The following RARB variants were observed in gnomAD, a reference collection of about 807,000 sequenced individuals.
The protein encoded by RARB is retinoic acid receptor beta.
In RARB, 17 loss-of-function variants were observed where a neutral mutation model predicts 51.9. The observed-to-expected ratio is 0.33, with a 90% CI of 0.22 to 0.49. The LOEUF (loss-of-function observed/expected upper bound fraction) is 0.49. RARB is among the 20% of genes least tolerant of loss of function. RARB has a pLI of 0.99. For missense variants in RARB, 369 were observed against 550.8 expected (o/e 0.67, Z 3.30); for synonymous variants, 215 against 195.4 (o/e 1.10, Z -0.84).
chr3:25,148,127 G>T (rs887700174), intron 4 of RARB, among the ~76,000 whole-genome samples: 6 of 152,142 alleles, frequency 3.9e-5, no homozygotes, highest in Admixed American at 1.3e-4. Flanking sequence ...TCCTAACTGG[G>T]TATGTAAGTT....
At position 25,049,721 on chromosome 3, in the gene RARB, C is replaced by T. The variant is rs560165301; in HGVS notation, c.-379-10404C>T. On this transcript the variant is annotated intron_variant, in intron 2 of 11. Transcript: ENST00000383772. ...TAAGGATATTATTTTAGCTCAGCAT[C>T]TTCACATTTGTTTGAAGATACAACT... is the stretch of plus-strand genomic sequence containing the variant. 2.8e-4 allele frequency among the ~76,000 whole-genome samples: 42 copies of T among 152,350 alleles called. 1 individual carries two copies. In the South Asian group the frequency reaches 8.5e-3, roughly 31 times the overall value.
chr3:24,953,785 T>A (rs1328820823), intron 2 of RARB, among the ~76,000 whole-genome samples: 2 of 152,198 alleles, frequency 1.3e-5, no homozygotes, highest in Non-Finnish European at 2.9e-5. Context: ...CTTCCAAAGC[T>A]TTTTCTTATC....
At chr3:24,869,549 T>C (rs1702908720) in intron 2 of RARB, among the ~76,000 whole-genome samples, 2 of 152,134 alleles carry the variant, frequency 1.3e-5, no homozygotes, top group Non-Finnish European at 2.9e-5. Context: ...TGCATATACA[T>C]ATGAATTATT....
intron 5 of RARB, among the ~76,000 whole-genome samples, chr3:25,380,894 G>A (rs1312211187): frequency 6.6e-6 from 1 of 151,782 alleles, no homozygotes. Flanking sequence ...TAGCTATTTT[G>A]TCATGCATGT....
intron 5 of RARB, among the ~76,000 whole-genome samples, chr3:25,237,801 G>A (rs148574196): frequency 2.0e-5 from 3 of 152,006 alleles, no homozygotes; most frequent in East Asian, 1.9e-4. Context: ...TGCCAAAACC[G>A]CAATTACTTT....
At chr3:25,312,231 T>C (rs955366922) in intron 5 of RARB, among the ~76,000 whole-genome samples, 1 of 152,160 alleles carries the variant, frequency 6.6e-6, no homozygotes, top group South Asian at 2.1e-4. Context: ...TTTCTGAAAA[T>C]TAAGGTTATC....
At chr3:25,302,382 G>T (rs1704061716) in intron 5 of RARB, among the ~76,000 whole-genome samples, 1 of 152,126 alleles carries the variant, frequency 6.6e-6, no homozygotes, top group Non-Finnish European at 1.5e-5. Context: ...CTGATGAATG[G>T]ATAAACAAAT....
At chr3:24,904,864 G>C (rs1016321476) in intron 2 of RARB, among the ~76,000 whole-genome samples, 1 of 152,184 alleles carries the variant, frequency 6.6e-6, no homozygotes, top group Non-Finnish European at 1.5e-5. Flanking sequence ...CCTTTGCAGG[G>C]ACATGGATGA....
intron 4 of RARB, among the ~76,000 whole-genome samples, chr3:25,173,149 C>A (rs557047384): frequency 6.6e-6 from 1 of 152,190 alleles, no homozygotes; most frequent in African/African-American, 2.4e-5. Context: ...AAGTTTACAG[C>A]CAGCCCACTC....
At chr3:24,949,160 C>T (rs894702203) in intron 2 of RARB, among the ~76,000 whole-genome samples, 3 of 152,164 alleles carry the variant, frequency 2.0e-5, no homozygotes, top group South Asian at 2.1e-4. Flanking sequence ...TCCTACTCCC[C>T]GTCTTTTAGA....
chr3:25,174,298 C>T (rs1700699926), exon 5 of RARB: 1 of 1,050,472 alleles, frequency 9.5e-7, no homozygotes, highest in Admixed American at 2.0e-5. Flanking sequence ...CACAGCTCAG[C>T]CTCAACTCCT....
intron 2 of RARB, among the ~76,000 whole-genome samples, chr3:24,998,736 A>T (rs536215181): frequency 1.3e-5 from 2 of 152,240 alleles, no homozygotes; most frequent in Non-Finnish European, 2.9e-5. Flanking sequence ...AAACTCAGCT[A>T]GTTCTTACAT....
intron 5 of RARB, among the ~76,000 whole-genome samples, chr3:25,187,819 C>T (rs540422265): frequency 1.3e-5 from 2 of 152,016 alleles, no homozygotes; most frequent in African/African-American, 2.4e-5. Flanking sequence ...AAATATTTTA[C>T]CTATGACTTT....
chr3:25,534,542 GTATCTGGGTGTAACAGGTTCCCT>G (rs1353855054), intron 3 of RARB, among the ~76,000 whole-genome samples: 13 of 152,158 alleles, frequency 8.5e-5, no homozygotes, highest in African/African-American at 2.9e-4. Context: ...CTTCCGTCAA[GTATCTGGGTGTAACAGGTTCCCT>G]TATCAGTGGC....
At chr3:25,067,974 T>C (rs1272260987) in intron 3 of RARB, among the ~76,000 whole-genome samples, 1 of 151,146 alleles carries the variant, frequency 6.6e-6, no homozygotes, top group East Asian at 1.9e-4. Flanking sequence ...CTGTCTCTAC[T>C]AAAAATAAAA....
In RARB at chr3:24,835,700, C is replaced by T. The variant is rs555727412; in HGVS notation, c.-459+6297C>T. ...CTGTAGTCTGTAGTAGGGCACCTCC[C>T]CAGTAACAGCCAGGTTCTATATCTA... is the stretch of plus-strand genomic sequence containing the variant. On this transcript the variant is annotated intron_variant, in intron 1 of 11. Coordinates refer to the RARB transcript ENST00000383772. 7.2e-5 allele frequency among the ~76,000 whole-genome samples: 11 copies of T among 152,230 alleles called. No homozygotes were observed. The South Asian group carries it at 1.7e-3, about 23-fold the overall frequency.
At chr3:25,068,689 G>A (rs1464175266) in intron 3 of RARB, among the ~76,000 whole-genome samples, 2 of 152,114 alleles carry the variant, frequency 1.3e-5, no homozygotes, top group Non-Finnish European at 2.9e-5. Flanking sequence ...CTATGGTGCA[G>A]TCCCTCAGCA....
chr3:25,399,295 G>T (rs1011324384), intron 5 of RARB, among the ~76,000 whole-genome samples: 2 of 152,110 alleles, frequency 1.3e-5, no homozygotes, highest in South Asian at 2.1e-4. Flanking sequence ...CTTGCTAAAA[G>T]TATCTTTATT....
At chr3:25,142,127 T>C (rs1280943735) in intron 4 of RARB, among the ~76,000 whole-genome samples, 4 of 151,662 alleles carry the variant, frequency 2.6e-5, no homozygotes, top group African/African-American at 9.7e-5. Context: ...AGGTCAGGAG[T>C]TCAAGACCAG....
Sources: gnomAD v4.1 joint callset for allele counts (sites outside exome capture counted in the v4.1 genomes callset) on GRCh38, gnomAD v4.1.1 for gene constraint, MANE v1.5 for transcripts, NCBI Gene and HGNC (gene_info 2026-07-23, HGNC 2026-07-21) for gene names.